The following HPSE2 variants were observed in gnomAD, a reference collection of about 807,000 sequenced individuals.
HPSE2 encodes heparanase 2 (inactive).
A neutral mutation model predicts 60.5 loss-of-function variants in HPSE2; 38 were observed. That is an observed-to-expected ratio of 0.63 (90% CI 0.48 to 0.82). The LOEUF (loss-of-function observed/expected upper bound fraction) is 0.82. HPSE2 is among the 40% of genes least tolerant of loss of function. The probability of loss-of-function intolerance (pLI) is 0.00; values close to 1 mark genes in which losing one functional copy is unlikely to be tolerated. For synonymous variants in HPSE2, 295 were observed against 293.2 expected (o/e 1.01, Z -0.06); for missense variants, 713 against 740.4 (o/e 0.96, Z 0.43).
intron 5 of HPSE2, among the ~76,000 whole-genome samples, chr10:98,704,047 CT>C (rs1381530871): frequency 1.3e-5 from 2 of 152,122 alleles, no homozygotes; most frequent in Non-Finnish European, 2.9e-5. Context: ...ACTCCTTAAG[CT>C]GATAAACAAC....
At chr10:99,293,388 A>G in the HPSE2 span, among the ~76,000 whole-genome samples, 1 of 152,234 alleles carries the variant, frequency 6.6e-6, no homozygotes, top group African/African-American at 2.4e-5. Context: ...TGAATAATGC[A>G]CATTGAAATA....
At chr10:99,237,079 G>A (rs1849876734), upstream of HPSE2, among the ~76,000 whole-genome samples, 1 of 152,132 alleles carries the variant, frequency 6.6e-6, no homozygotes, top group Non-Finnish European at 1.5e-5. Context: ...GCTGCTCATT[G>A]AGCTTCCACC....
chr10:98,906,853 G>A (rs370280258), intron 3 of HPSE2, among the ~76,000 whole-genome samples: 1 of 151,310 alleles, frequency 6.6e-6, no homozygotes, highest in African/African-American at 2.4e-5. Flanking sequence ...GCAGTGAGCC[G>A]AGATTGTGCC....
At chr10:98,918,159 T>C (rs1954175492) in intron 3 of HPSE2, among the ~76,000 whole-genome samples, 1 of 152,210 alleles carries the variant, frequency 6.6e-6, no homozygotes, top group Non-Finnish European at 1.5e-5. Flanking sequence ...ATCTATTTAC[T>C]GAATATTTAA....
At chr10:98,479,014 G>C (rs1405341991) in intron 11 of HPSE2, among the ~76,000 whole-genome samples, 1 of 152,108 alleles carries the variant, frequency 6.6e-6, no homozygotes, top group African/African-American at 2.4e-5. Context: ...TGACCCCAAG[G>C]GTGCTTCCTG....
chr10:99,259,188 C>T, the HPSE2 span, among the ~76,000 whole-genome samples: 3 of 151,916 alleles, frequency 2.0e-5, no homozygotes, highest in Admixed American at 6.6e-5. Flanking sequence ...TGCCTGTAAT[C>T]CCAGCTACTT....
At chr10:98,930,274 T>C (rs1461664682) in intron 3 of HPSE2, among the ~76,000 whole-genome samples, 2 of 144,066 alleles carry the variant, frequency 1.4e-5, no homozygotes, top group East Asian at 2.0e-4. Context: ...CTGAGGATAA[T>C]GGCTTCCAGC....
At chr10:99,063,975 C>T (rs1173986514) in intron 3 of HPSE2, among the ~76,000 whole-genome samples, 1 of 152,130 alleles carries the variant, frequency 6.6e-6, no homozygotes, top group African/African-American at 2.4e-5. Context: ...TGCCTGTAAT[C>T]CCAGCTACTC....
chr10:98,955,176 C>G (rs1386913107), intron 3 of HPSE2, among the ~76,000 whole-genome samples: 1 of 151,888 alleles, frequency 6.6e-6, no homozygotes, highest in Non-Finnish European at 1.5e-5. Context: ...AGACAACCTA[C>G]AGAATAGGAG....
intron 3 of HPSE2, among the ~76,000 whole-genome samples, chr10:98,926,195 A>C (rs1202697071): frequency 6.6e-6 from 1 of 152,208 alleles, no homozygotes; most frequent in Non-Finnish European, 1.5e-5. Context: ...ATGAATTTAT[A>C]AAGCCACAAA....
chr10:99,050,228 G>T (rs1039499243), intron 3 of HPSE2, among the ~76,000 whole-genome samples: 1 of 152,028 alleles, frequency 6.6e-6, no homozygotes, highest in African/African-American at 2.4e-5. Context: ...CCTGAGCCCA[G>T]GAGTCTGAGG....
At chr10:98,821,601 T>C (rs922752022) in intron 3 of HPSE2, among the ~76,000 whole-genome samples, 13 of 152,324 alleles carry the variant, frequency 8.5e-5, no homozygotes, top group African/African-American at 2.6e-4. Context: ...TCAGGGCTTA[T>C]ATTCTGGTGA....
At chr10:98,571,369 A>T (rs1321672711) in intron 9 of HPSE2, among the ~76,000 whole-genome samples, 1 of 152,146 alleles carries the variant, frequency 6.6e-6, no homozygotes, top group Non-Finnish European at 1.5e-5. Flanking sequence ...AACAAAATTT[A>T]AAAAATCATG....
chr10:98,542,229 G>T (rs1354598571), intron 9 of HPSE2, among the ~76,000 whole-genome samples: 2 of 152,034 alleles, frequency 1.3e-5, no homozygotes, highest in African/African-American at 4.8e-5. Context: ...GTCTGGAGTG[G>T]ACCTCTAGCA....
At chr10:98,947,273 G>GC (rs1955214243) in intron 3 of HPSE2, among the ~76,000 whole-genome samples, 2 of 152,126 alleles carry the variant, frequency 1.3e-5, no homozygotes, top group East Asian at 3.8e-4. Flanking sequence ...TATTGAAAAT[G>GC]CAGCTTTTAT....
At chr10:99,208,415 T>G (rs1848834319) in intron 2 of HPSE2, among the ~76,000 whole-genome samples, 1 of 152,180 alleles carries the variant, frequency 6.6e-6, no homozygotes, top group Non-Finnish European at 1.5e-5. Context: ...CTAGGTACAG[T>G]GGCTTATGTC....
chr10:99,226,215 G>T (rs2133939609), intron 2 of HPSE2, among the ~76,000 whole-genome samples: 2 of 151,908 alleles, frequency 1.3e-5, no homozygotes, highest in South Asian at 4.1e-4. Flanking sequence ...TCTCTCTAAG[G>T]TCTACCTACC....
chr10:98,750,240 G>A (rs539666354), intron 3 of HPSE2, among the ~76,000 whole-genome samples: 1 of 152,232 alleles, frequency 6.6e-6, no homozygotes, highest in East Asian at 1.9e-4. Flanking sequence ...TGAGACTGAT[G>A]AATGTGAAGA....
intron 3 of HPSE2, among the ~76,000 whole-genome samples, chr10:98,906,826 C>T (rs191838873): frequency 7.2e-5 from 11 of 151,860 alleles, no homozygotes; most frequent in African/African-American, 2.4e-4. Flanking sequence ...ATCACGTGAA[C>T]CTGGGAGACA....
Sources: allele counts gnomAD v4.1 joint callset (sites outside exome capture counted in the v4.1 genomes callset), GRCh38; gene constraint gnomAD v4.1.1; transcripts MANE v1.5; gene names NCBI Gene and HGNC (gene_info 2026-07-23, HGNC 2026-07-21).